SOX5: variants seen among roughly 807,000 people sequenced by gnomAD.
SOX5 encodes the protein SRY-box transcription factor 5.
In SOX5, 9 loss-of-function variants were observed where a neutral mutation model predicts 92.0. The ratio of observed to expected loss-of-function variants is 0.10; its 90% CI spans 0.06 to 0.17. The LOEUF is 0.17. SOX5 is among the 10% of genes least tolerant of loss of function. The pLI, the probability that SOX5 is intolerant of heterozygous loss-of-function variation, is 1.00. For missense variants in SOX5, 642 were observed against 944.5 expected (o/e 0.68, Z 4.20); for synonymous variants, 344 against 336.3 (o/e 1.02, Z -0.25).
At chr12:24,239,245 A>C (rs2140041444) in intron 3 of SOX5, among the ~76,000 whole-genome samples, 1 of 152,354 alleles carries the variant, frequency 6.6e-6, no homozygotes, top group East Asian at 1.9e-4. Context: ...ACTATTTACA[A>C]ACGCTTAGAG....
chr12:23,834,934 T>G (rs1222087779), intron 3 of SOX5, among the ~76,000 whole-genome samples: 2 of 151,966 alleles, frequency 1.3e-5, no homozygotes, highest in African/African-American at 4.8e-5. Flanking sequence ...ATAAGCCAGT[T>G]AAAATATTGT....
chr12:23,757,233 G>T (rs549964559), intron 3 of SOX5, among the ~76,000 whole-genome samples: 1 of 151,824 alleles, frequency 6.6e-6, no homozygotes, highest in East Asian at 1.9e-4. Flanking sequence ...CAGTTGAAAT[G>T]AATGAATGAA....
intron 3 of SOX5, among the ~76,000 whole-genome samples, chr12:23,804,941 ATATATATATAT>A (rs1421817870): frequency 2.2e-5 from 1 of 45,018 alleles, no homozygotes; most frequent in Non-Finnish European, 4.2e-5. Flanking sequence ...ATATATATAT[ATATATATATAT>A]ATATATATAT....
At chr12:24,348,098 T>C (rs910681953) in intron 2 of SOX5, among the ~76,000 whole-genome samples, 10 of 149,330 alleles carry the variant, frequency 6.7e-5, no homozygotes, top group African/African-American at 2.5e-4. Context: ...AACACACCAC[T>C]TCTGAATATT....
intron 4 of SOX5, among the ~76,000 whole-genome samples, chr12:24,149,345 A>G (rs1951430105): frequency 1.3e-5 from 2 of 152,208 alleles, no homozygotes; most frequent in South Asian, 4.1e-4. Context: ...AAAGACTCTC[A>G]AAACTCAATA....
At chr12:24,171,275 G>A (rs1447525698) in intron 4 of SOX5, among the ~76,000 whole-genome samples, 2 of 136,066 alleles carry the variant, frequency 1.5e-5, no homozygotes, top group African/African-American at 2.8e-5. Context: ...CCAGGCTGGA[G>A]TGCAGTGGCC....
chr12:24,423,734 G>A (rs1014922239), intron 1 of SOX5, among the ~76,000 whole-genome samples: 2 of 152,194 alleles, frequency 1.3e-5, no homozygotes, highest in African/African-American at 2.4e-5. Context: ...GGGTGCCACA[G>A]GAGCCTCAAG....
chr12:24,233,136 G>C (rs1431463037), intron 3 of SOX5, among the ~76,000 whole-genome samples: 1 of 151,996 alleles, frequency 6.6e-6, no homozygotes, highest in Non-Finnish European at 1.5e-5. Flanking sequence ...CATGATGAAA[G>C]ACAAAAATGT....
chr12:23,629,255 T>C (rs2078227487), intron 8 of SOX5, among the ~76,000 whole-genome samples: 1 of 152,120 alleles, frequency 6.6e-6, no homozygotes, highest in South Asian at 2.1e-4. Context: ...TCATTCTTTC[T>C]TAATTTAATG....
intron 6 of SOX5, among the ~76,000 whole-genome samples, chr12:23,693,750 G>A (rs2140084717): frequency 6.6e-6 from 1 of 152,150 alleles, no homozygotes; most frequent in Middle Eastern, 3.4e-3. Flanking sequence ...TGTTACTTCT[G>A]TTCTAATCAT....
intron 1 of SOX5, among the ~76,000 whole-genome samples, chr12:24,407,994 C>G (rs774525264): frequency 6.6e-6 from 1 of 152,066 alleles, no homozygotes; most frequent in Non-Finnish European, 1.5e-5. Context: ...ACAGACTGTT[C>G]AAAGAAAAAC....
chr12:23,647,078 T>C (rs1178742852), intron 7 of SOX5, among the ~76,000 whole-genome samples: 2 of 152,220 alleles, frequency 1.3e-5, no homozygotes, highest in Non-Finnish European at 2.9e-5. Context: ...GGTTATGAAA[T>C]GTATTTCTAA....
At chr12:24,528,249 G>A (rs1846930881) in intron 1 of SOX5, among the ~76,000 whole-genome samples, 1 of 152,152 alleles carries the variant, frequency 6.6e-6, no homozygotes, top group Non-Finnish European at 1.5e-5. Context: ...GGCAGAGTCG[G>A]CTCTGCTGGT....
intron 4 of SOX5, among the ~76,000 whole-genome samples, chr12:24,192,586 T>C (rs1956631023): frequency 6.6e-6 from 1 of 152,256 alleles, no homozygotes; most frequent in Non-Finnish European, 1.5e-5. Context: ...CATCAAATTA[T>C]GACATACCAA....
At chr12:23,549,327 C>T (rs764623696) in intron 11 of SOX5, among the ~76,000 whole-genome samples, 5 of 151,648 alleles carry the variant, frequency 3.3e-5, no homozygotes, top group Admixed American at 6.6e-5. Flanking sequence ...AATTTTTTAC[C>T]GATCTTATAA....
intron 4 of SOX5, among the ~76,000 whole-genome samples, chr12:24,174,215 T>C (rs1954545060): frequency 6.6e-6 from 1 of 152,084 alleles, no homozygotes; most frequent in Non-Finnish European, 1.5e-5. Flanking sequence ...CCCAGGATGG[T>C]CTCGAACTCC....
At chr12:24,070,861 C>T (rs1172850665) in intron 4 of SOX5, among the ~76,000 whole-genome samples, 2 of 152,108 alleles carry the variant, frequency 1.3e-5, no homozygotes, top group Admixed American at 6.5e-5. Flanking sequence ...TTATGCATGC[C>T]CTTCCAGTCA....
At chr12:24,555,784 CA>C (rs1439218852) in intron 1 of SOX5, among the ~76,000 whole-genome samples, 2 of 152,048 alleles carry the variant, frequency 1.3e-5, no homozygotes, top group African/African-American at 4.8e-5. Context: ...AGACAGAGTC[CA>C]AAGCAAGTGT....
intron 1 of SOX5, among the ~76,000 whole-genome samples, chr12:24,479,857 G>A (rs1945792244): frequency 6.6e-6 from 1 of 151,988 alleles, no homozygotes; most frequent in South Asian, 2.1e-4. Flanking sequence ...GTAGAAGCGG[G>A]GTTTTACCCT....
Sources: allele counts gnomAD v4.1 joint callset (sites outside exome capture counted in the v4.1 genomes callset), GRCh38; gene constraint gnomAD v4.1.1; transcripts MANE v1.5; gene names NCBI Gene and HGNC (gene_info 2026-07-23, HGNC 2026-07-21).